Variants in SLC25A32 observed in about 807,000 individuals in gnomAD.
SLC25A32 encodes the protein Glycine auxotroph B, complementation of hamster.
In SLC25A32, 32 loss-of-function variants were observed where a neutral mutation model predicts 39.0. The observed-to-expected ratio is 0.82, with a 90% CI of 0.62 to 1.10. The LOEUF (loss-of-function observed/expected upper bound fraction) is 1.10. SLC25A32 is among the 50% of genes least tolerant of loss of function. The pLI is 0.00. For missense variants in SLC25A32, 367 were observed against 395.3 expected (o/e 0.93, Z 0.61); for synonymous variants, 166 against 152.4 (o/e 1.09, Z -0.66).
chr8:103,402,154 G>A (rs1185406242), intron 4 of SLC25A32, 100 bp from the exon 5 acceptor site: 2 of 711,110 alleles, frequency 2.8e-6, no homozygotes, highest in African/African-American at 1.8e-5. Flanking sequence ...AGCACTTTAA[G>A]CAAATTCATT....
intron 3 of SLC25A32, among the ~76,000 whole-genome samples, chr8:103,404,485 C>T (rs1048260602): frequency 2.6e-5 from 4 of 152,074 alleles, no homozygotes; most frequent in African/African-American, 7.2e-5. Flanking sequence ...GTCCCAGCTA[C>T]TCAGGAGGCT....
Position 103,414,943 on chromosome 8 carries a change from CGG to C in SLC25A32, c.-8_-7del. 1 of 1,596,030 alleles carries C rather than the reference CGG, an allele frequency of 6.3e-7. No homozygotes were observed. The highest frequency in any genetic ancestry group is 8.5e-7 in the Non-Finnish European group (1 of 1,171,772). On this transcript the variant is annotated 5_prime_UTR_variant, in exon 1 of 7. Coordinates refer to ENST00000297578, the MANE Select transcript of SLC25A32 (RefSeq NM_030780.5). ...GACTGGCCCTGGCCCGTCATAGGCTCGGGGCCCGTCGACACCACGGCGCCCAG... is the reference window on the plus strand; with the variant it reads ...GACTGGCCCTGGCCCGTCATAGGCTCGGCCCGTCGACACCACGGCGCCCAG...
At chr8:103,406,607 G>C (rs191006647) in intron 2 of SLC25A32, among the ~76,000 whole-genome samples, 2 of 152,224 alleles carry the variant, frequency 1.3e-5, no homozygotes, top group African/African-American at 4.8e-5. Flanking sequence ...ACTGGTGAAG[G>C]AGTAAGGAAA....
intron 1 of SLC25A32, among the ~76,000 whole-genome samples, chr8:103,413,309 T>C (rs1184861744): frequency 6.6e-6 from 1 of 152,246 alleles, no homozygotes; most frequent in Admixed American, 6.5e-5. Flanking sequence ...CATACAGGCC[T>C]GCACCTGCAG....
At chr8:103,412,250 G>A (rs564281916) in intron 1 of SLC25A32, among the ~76,000 whole-genome samples, 27 of 152,256 alleles carry the variant, frequency 1.8e-4, no homozygotes, top group African/African-American at 5.8e-4. Context: ...TGAATTTTAC[G>A]TTTTGGTTCC....
intron 1 of SLC25A32, among the ~76,000 whole-genome samples, chr8:103,412,224 T>C (rs1001287819): frequency 6.6e-6 from 1 of 152,252 alleles, no homozygotes; most frequent in African/African-American, 2.4e-5. Context: ...ACAACTTTAC[T>C]CGGCACTACT....
rs538855510 is a variant in SLC25A32, at chr8:103,411,059, C to G, written c.155-3275G>C. Among the ~76,000 whole-genome samples, 3 of 152,236 alleles carry G rather than the reference C, an allele frequency of 2.0e-5. No homozygotes were observed. In the South Asian group the frequency reaches 6.2e-4, roughly 32 times the overall value. On this transcript the variant is annotated intron_variant, in intron 1 of 6. Transcript: ENST00000297578. Reference sequence around the variant, plus strand: ...GATTGCCAGTATCTTTTCTTTAAAACCAGACTGGAATTGAAAACAAATATA... The same window carrying G: ...GATTGCCAGTATCTTTTCTTTAAAAGCAGACTGGAATTGAAAACAAATATA...
At chr8:103,408,737 G>A (rs949794567) in intron 1 of SLC25A32, among the ~76,000 whole-genome samples, 5 of 152,062 alleles carry the variant, frequency 3.3e-5, no homozygotes, top group African/African-American at 1.2e-4. Flanking sequence ...CTCAACAAAC[G>A]CCATCATCAT....
chr8:103,401,945 T>C lies in SLC25A32; in HGVS notation c.662A>G (p.Gln221Arg), dbSNP rs747044743. ...NQHINRLPEA[Q>R]LSTVEYISVA... is the part of the protein sequence containing the mutation. ...TTTTTACAAGAATAATCTTACCAAC[T>C]GGGCTTCTGGTAATCTATTGATATG... Residue 221 changes from glutamine (Q) to arginine (R), a missense_variant, in exon 5 of 7, where the codon CAG (glutamine) becomes CGG (arginine). Gln to Arg is a conservative substitution (Grantham distance 43). Coordinates refer to ENST00000297578, the MANE Select transcript of SLC25A32 (RefSeq NM_030780.5). 1.0e-5 allele frequency: 16 copies of C among 1,604,308 alleles called. No individual in the cohort carries two copies. The highest frequency in any genetic ancestry group is 1.3e-5 in the Non-Finnish European group (15 of 1,174,520).
intron 1 of SLC25A32, among the ~76,000 whole-genome samples, chr8:103,409,517 T>G (rs1219433483): frequency 6.6e-6 from 1 of 152,144 alleles, no homozygotes; most frequent in Non-Finnish European, 1.5e-5. Context: ...TATTACTGCC[T>G]TAGAATTAGT....
Position 103,400,306 on chromosome 8 carries a change from T to A in SLC25A32, c.*105A>T. On this transcript the variant is annotated 3_prime_UTR_variant, in exon 7 of 7. Coordinates refer to ENST00000297578, the MANE Select transcript of SLC25A32 (RefSeq NM_030780.5). ...GGCTTCTAATGACTATAGAGCAATT[T>A]CGAATATGAGCCATGTTTCTATGCA... The A allele has an allele frequency of 7.4e-7, 1 of 1,351,838 alleles. No individual in the cohort carries two copies. The highest frequency in any genetic ancestry group is 1.0e-6 in the Non-Finnish European group (1 of 967,480). The allele number at this position is 1,351,838 out of a possible 1,614,324, so 83.7% of individuals were successfully genotyped here.
intron 1 of SLC25A32, among the ~76,000 whole-genome samples, chr8:103,413,571 T>C (rs367600025): frequency 6.6e-5 from 10 of 152,334 alleles, no homozygotes; most frequent in African/African-American, 2.4e-4. Flanking sequence ...AGATAATGCA[T>C]CTAAAGCATA....
chr8:103,413,606 T>C, intron 1 of SLC25A32, among the ~76,000 whole-genome samples: 1 of 152,254 alleles, frequency 6.6e-6, no homozygotes, highest in South Asian at 2.1e-4. Flanking sequence ...TCCTAGTAAA[T>C]ACTCGATAAA....
intron 4 of SLC25A32, among the ~76,000 whole-genome samples, chr8:103,402,945 G>A (rs1816248864): frequency 2.0e-5 from 3 of 152,098 alleles, no homozygotes; most frequent in Non-Finnish European, 2.9e-5. Flanking sequence ...CAGATCTCAT[G>A]CCCACCAATG....
At chr8:103,409,945 A>C (rs754809331) in intron 1 of SLC25A32, among the ~76,000 whole-genome samples, 1 of 152,154 alleles carries the variant, frequency 6.6e-6, no homozygotes, top group Non-Finnish European at 1.5e-5. Context: ...ATAAGACAAC[A>C]AGTTTAAAGG....
chr8:103,403,178 G>C lies in SLC25A32; in HGVS notation c.538C>G (p.Arg180Gly), dbSNP rs374025789. ...TAATTTGTTACCTTATATAATCCAC[G>C]CACACCTTCATACTTATATATTTTC... ...LVKIYKYEGV[R>G]GLYKGFVPGL... The change falls in exon 4 of 7, where the codon CGT (arginine) becomes GGT (glycine). Residue 180 changes from arginine (R) to glycine (G), a missense_variant. By Grantham distance (125) the Arg-to-Gly change is moderately radical (BLOSUM62 -2). Coordinates refer to ENST00000297578, the MANE Select transcript of SLC25A32 (RefSeq NM_030780.5). The C allele has an allele frequency of 1.4e-5, 22 of 1,599,932 alleles. No individual in the cohort carries two copies. The highest frequency in any genetic ancestry group is 1.7e-5 in the Admixed American group (1 of 58,696).
Position 103,403,222 on chromosome 8 carries a change from C to T in SLC25A32, c.494G>A (p.Gly165Glu). ...TATTTTCACAAGTGTATCAAACATTCCTTTATATTGTCGGTGTGGGGAGTT... is the reference window on the plus strand; with the variant it reads ...TATTTTCACAAGTGTATCAAACATTTCTTTATATTGTCGGTGTGGGGAGTT... Reference protein sequence around the residue: ...VVNSPHRQYKGMFDTLVKIYK... With the variant: ...VVNSPHRQYKEMFDTLVKIYK... The change falls in exon 4 of 7, where the codon GGA (glycine) becomes GAA (glutamate). Residue 165 changes from glycine (G) to glutamate (E), a missense_variant. Gly to Glu is a moderately conservative substitution (Grantham distance 98). Transcript: ENST00000297578. 3.1e-6 allele frequency: 5 copies of T among 1,612,528 alleles called. No individual in the cohort carries two copies. The highest frequency in any genetic ancestry group is 4.2e-6 in the Non-Finnish European group (5 of 1,179,000).
In SLC25A32 at chr8:103,399,332, C is replaced by T. The variant is rs73287910; in HGVS notation, c.*1079G>A. On this transcript the variant is annotated 3_prime_UTR_variant, in exon 7 of 7. Transcript: ENST00000297578. ...AATAAGTGATTTATAGTTATATATG[C>T]TAAATAAAGGTTGACACAGCTGGAT... 147 of 152,090 alleles carry T rather than the reference C, an allele frequency of 9.7e-4. No individual in the cohort carries two copies. The highest frequency in any genetic ancestry group is 3.2e-3 in the African/African-American group (133 of 41,470). 9.4% of individuals were successfully genotyped at this position (152,090 alleles called of 1,614,324 possible).
chr8:103,400,410 C>G lies in SLC25A32; in HGVS notation c.*1G>C, dbSNP rs759831088. On this transcript the variant is annotated 3_prime_UTR_variant, in exon 7 of 7. Coordinates refer to ENST00000297578, the MANE Select transcript of SLC25A32 (RefSeq NM_030780.5). The stretch of plus-strand genomic sequence containing the variant: ...ATATACTGGAATTGTCCTCTTTGAG[C>G]TTACTTTCTCTTTTCTCTAAGGTCA... 12 of 1,613,958 alleles carry G rather than the reference C, an allele frequency of 7.4e-6. No individual in the cohort carries two copies. The South Asian group carries it at 1.3e-4, about 18-fold the overall frequency.
Sources: gnomAD v4.1 joint callset for allele counts (sites outside exome capture counted in the v4.1 genomes callset) on GRCh38, gnomAD v4.1.1 for gene constraint, MANE v1.5 for transcripts, NCBI Gene and HGNC (gene_info 2026-07-23, HGNC 2026-07-21) for gene names.